FMN1: variants seen among roughly 807,000 people sequenced by gnomAD.
FMN1 encodes formin 1.
A neutral mutation model predicts 132.4 loss-of-function variants in FMN1; 110 were observed. The ratio of observed to expected loss-of-function variants is 0.83; its 90% CI spans 0.71 to 0.97. The LOEUF (loss-of-function observed/expected upper bound fraction) is 0.97. Among genes scored for constraint, FMN1 ranks in the 50% least tolerant of loss-of-function variants. FMN1 has a pLI of 0.00. For synonymous variants in FMN1, 722 were observed against 651.7 expected, an observed-to-expected ratio of 1.11 and a Z score of -1.64; for missense variants, 1,792 against 1,705.3, an observed-to-expected ratio of 1.05 and a Z score of -0.90.
intron 17 of FMN1, among the ~76,000 whole-genome samples, chr15:32,833,596 A>G (rs1038498521): frequency 3.3e-5 from 5 of 152,352 alleles, no homozygotes; most frequent in Admixed American, 3.3e-4. Context: ...TTATGGTTTA[A>G]TGGACATTTA....
At chr15:32,816,050 G>T (rs1459080192) in intron 17 of FMN1, among the ~76,000 whole-genome samples, 1 of 152,190 alleles carries the variant, frequency 6.6e-6, no homozygotes, top group African/African-American at 2.4e-5. Context: ...TGGCACATTA[G>T]TTAAGTAAAT....
intron 7 of FMN1, among the ~76,000 whole-genome samples, chr15:32,994,128 T>C (rs946043962): frequency 2.0e-5 from 3 of 151,930 alleles, no homozygotes; most frequent in Non-Finnish European, 4.4e-5. Context: ...ACATATCAAT[T>C]TGTGCTTTAT....
intron 9 of FMN1, among the ~76,000 whole-genome samples, chr15:32,962,529 A>G (rs1350206571): frequency 6.6e-6 from 1 of 151,408 alleles, no homozygotes; most frequent in Non-Finnish European, 1.5e-5. Flanking sequence ...GCACAGCAAA[A>G]CAAACTACCA....
intron 4 of FMN1, among the ~76,000 whole-genome samples, chr15:33,120,584 A>C (rs763921938): frequency 6.7e-6 from 1 of 148,508 alleles, no homozygotes; most frequent in Admixed American, 6.8e-5. Context: ...GGGATATACG[A>C]ACACACACGT....
In FMN1 at chr15:32,890,449, G is replaced by T. The variant is rs545209422; in HGVS notation, c.3715-2157C>A. ...GCCAACATCTGTTTTCTGATTTTTT[G>T]ATTATGGCCATTCTTGCAGGAATAA... On this transcript the variant is annotated intron_variant, in intron 15 of 20. Transcript: ENST00000616417. Among the ~76,000 whole-genome samples the T allele has an allele frequency of 2.0e-5, 3 of 152,240 alleles. No homozygotes were observed. The East Asian group carries it at 5.8e-4, about 29-fold the overall frequency.
chr15:32,839,688 A>G (rs2058703531), intron 17 of FMN1, among the ~76,000 whole-genome samples: 1 of 151,970 alleles, frequency 6.6e-6, no homozygotes, highest in Non-Finnish European at 1.5e-5. Flanking sequence ...TGCACCCATC[A>G]GTGTCCTGGA....
intron 7 of FMN1, among the ~76,000 whole-genome samples, chr15:32,986,887 C>G (rs940456910): frequency 1.1e-4 from 16 of 152,070 alleles, no homozygotes; most frequent in African/African-American, 3.6e-4. Flanking sequence ...TTACGTATTT[C>G]AGGTTTTCTC....
rs745975353 is a variant in FMN1 at position 33,064,999 on chromosome 15, T to TTG, written c.2117_2118dup (p.Lys707GlnfsTer10). ...AGTCCCACTTTTTCTTCTGTGTCTT[T>TTG]TGTCTTTGGGGGTGGCCAGACAGCT... On this transcript the variant is annotated frameshift_variant, in exon 6 of 21. Coordinates refer to ENST00000616417, the MANE Select transcript of FMN1 (RefSeq NM_001277313.2). LOFTEE classifies it high-confidence loss of function. 6.2e-7 allele frequency: 1 copy of TTG among 1,612,232 alleles called. No homozygotes were observed. The highest frequency in any genetic ancestry group is 1.3e-5 in the African/African-American group (1 of 74,998).
intron 10 of FMN1, among the ~76,000 whole-genome samples, chr15:32,911,327 A>T (rs1464988494): frequency 6.7e-6 from 1 of 149,212 alleles, no homozygotes; most frequent in East Asian, 1.9e-4. Context: ...CAAAACTAAT[A>T]AGGTTTGTTC....
chr15:32,807,474 G>A (rs1475265193), intron 17 of FMN1, among the ~76,000 whole-genome samples: 2 of 152,202 alleles, frequency 1.3e-5, no homozygotes, highest in Non-Finnish European at 2.9e-5. Flanking sequence ...CTTCTCCAGT[G>A]ATTTTAAGTT....
At position 33,012,432 on chromosome 15, in the gene FMN1, G is replaced by C. The variant is rs990988227; in HGVS notation, c.2162-4357C>G. On this transcript the variant is annotated intron_variant, in intron 6 of 20. Coordinates refer to ENST00000616417, the MANE Select transcript of FMN1 (RefSeq NM_001277313.2). ...CAGGTGCCCACTCAACTGTGAAAAA[G>C]ACATTTGTTGCTGGCATTAAAGAAG... 3 of 973,346 alleles carry C rather than the reference G, an allele frequency of 3.1e-6. No individual in the cohort carries two copies. The East Asian group carries it at 7.1e-5, about 23-fold the overall frequency. 60.3% of individuals were successfully genotyped at this position (973,346 alleles called of 1,614,324 possible). A position where few individuals can be genotyped will look rare whatever the true frequency, so the allele number is the denominator to read the frequency against.
At chr15:32,926,964 T>G (rs1372574522) in intron 9 of FMN1, among the ~76,000 whole-genome samples, 1 of 152,138 alleles carries the variant, frequency 6.6e-6, no homozygotes, top group Non-Finnish European at 1.5e-5. Context: ...TTTAAATTTT[T>G]TTATAGAGAC....
At chr15:33,188,942 G>T (rs1965981871) in intron 2 of FMN1, among the ~76,000 whole-genome samples, 1 of 152,088 alleles carries the variant, frequency 6.6e-6, no homozygotes, top group African/African-American at 2.4e-5. Flanking sequence ...CTTAACAAGA[G>T]AAAATTTGGG....
At chr15:32,794,781 G>C (rs1447652052) in intron 19 of FMN1, among the ~76,000 whole-genome samples, 1 of 152,158 alleles carries the variant, frequency 6.6e-6, no homozygotes, top group Non-Finnish European at 1.5e-5. Flanking sequence ...GTGAGGCAAA[G>C]TTGCTTCTGA....
In FMN1 at chr15:32,969,142, T is replaced by C. The variant is rs529895249; in HGVS notation, c.2559A>G (p.Ala853=). 2 of 1,613,002 alleles carry C rather than the reference T, an allele frequency of 1.2e-6. No individual in the cohort carries two copies. The highest frequency in any genetic ancestry group is 1.7e-5 in the Admixed American group (1 of 59,964). The part of the protein sequence containing the change: ...PPNDHKDIHA[A]LQPMEGMASN... ...ATGCCATGCCCTCCATTGGCTGGAG[T>C]GCTGCATGGATGTCTTTGTGGTCAT... Residue 853 remains alanine (A), a synonymous_variant, in exon 8 of 21, where the codon GCA becomes GCG. Transcript: ENST00000616417.
At chr15:32,935,012 C>A (rs553385141) in intron 9 of FMN1, among the ~76,000 whole-genome samples, 17 of 151,820 alleles carry the variant, frequency 1.1e-4, no homozygotes, top group Non-Finnish European at 2.2e-4. Flanking sequence ...ACCTCTGCCT[C>A]CTGAGTTCAA....
At chr15:32,919,157 T>TG (rs36036866) in intron 10 of FMN1, among the ~76,000 whole-genome samples, 18,049 of 151,594 alleles carry the variant, frequency 0.12, 3,222 homozygotes, top group African/African-American at 0.39. Flanking sequence ...CATATTGTGA[T>TG]GGGGGGGGTA....
At chr15:32,906,606 A>G (rs1225789963) in intron 12 of FMN1, among the ~76,000 whole-genome samples, 1 of 152,218 alleles carries the variant, frequency 6.6e-6, no homozygotes, top group Non-Finnish European at 1.5e-5. Context: ...GCACTACCCA[A>G]GTGCTTTGAT....
At chr15:32,807,333 GT>G (rs1277265150) in intron 17 of FMN1, among the ~76,000 whole-genome samples, 3 of 152,212 alleles carry the variant, frequency 2.0e-5, no homozygotes, top group Non-Finnish European at 4.4e-5. Flanking sequence ...GCTGTCTGAT[GT>G]CCCCCCATAC....
Sources: gnomAD v4.1 joint callset for allele counts (sites outside exome capture counted in the v4.1 genomes callset) on GRCh38, gnomAD v4.1.1 for gene constraint, MANE v1.5 for transcripts, NCBI Gene and HGNC (gene_info 2026-07-23, HGNC 2026-07-21) for gene names.